The following CSMD1 variants were observed in gnomAD, a reference collection of about 807,000 sequenced individuals.
CSMD1 encodes CUB and sushi domain-containing protein 1.
Under a neutral mutation model 417.5 loss-of-function variants are expected in CSMD1, and 213 were observed. The ratio of observed to expected loss-of-function variants is 0.51; its 90% CI spans 0.46 to 0.57. The LOEUF (loss-of-function observed/expected upper bound fraction) is 0.57. Among genes scored for constraint, CSMD1 ranks in the 20% least tolerant of loss-of-function variants. The pLI is 0.00. For synonymous variants in CSMD1, 2,862 were observed against 1,736.8 expected, an observed-to-expected ratio of 1.65 and a Z score of -16.11; for missense variants, 6,923 against 4,529.7, an observed-to-expected ratio of 1.53 and a Z score of -15.17.
intron 26 of CSMD1, among the ~76,000 whole-genome samples, chr8:3,244,139 C>T (rs1341917911): frequency 1.3e-5 from 2 of 152,192 alleles, no homozygotes; most frequent in Admixed American, 1.3e-4. Context: ...TCGTTCAACA[C>T]GTGAAGGAAA....
chr8:3,999,735 G>A (rs1215825842), intron 4 of CSMD1, among the ~76,000 whole-genome samples: 2 of 152,140 alleles, frequency 1.3e-5, no homozygotes, highest in African/African-American at 4.8e-5. Flanking sequence ...TAGAATGGAC[G>A]TCTTTGAGAG....
At chr8:3,014,645 C>A (rs914278589) in intron 52 of CSMD1, among the ~76,000 whole-genome samples, 1 of 152,098 alleles carries the variant, frequency 6.6e-6, no homozygotes, top group Non-Finnish European at 1.5e-5. Flanking sequence ...ATTTTAAAAA[C>A]GTCCCGCCTA....
rs568376369 is a variant in CSMD1, at chr8:4,994,244, C to T, written c.85+88G>A. Reference sequence around the variant, plus strand: ...CGGGCAGAGGCGGCCACTCCGTACCCTGCGGTCCCCAAAACGCACACTCGC... The same window carrying T: ...CGGGCAGAGGCGGCCACTCCGTACCTTGCGGTCCCCAAAACGCACACTCGC... On this transcript the variant is annotated intron_variant, in intron 1 of 69. Transcript: ENST00000635120. The T allele has an allele frequency of 2.6e-3, 3,195 of 1,216,734 alleles. 110 individuals carry two copies. In the Admixed American group the frequency reaches 0.058, roughly 22 times the overall value. The allele number at this position is 1,216,734 out of a possible 1,614,324, so 75.4% of individuals were successfully genotyped here.
At chr8:3,372,391 C>T (rs6990513) in intron 18 of CSMD1, among the ~76,000 whole-genome samples, 1 of 151,946 alleles carries the variant, frequency 6.6e-6, no homozygotes, top group African/African-American at 2.4e-5. Context: ...GCCTAGAAAA[C>T]GACACGATCT....
intron 23 of CSMD1, among the ~76,000 whole-genome samples, chr8:3,311,261 T>C (rs769463617): frequency 6.6e-6 from 1 of 151,666 alleles, no homozygotes; most frequent in African/African-American, 2.4e-5. Flanking sequence ...CAAACAACTT[T>C]TTTTTTTGGA....
At chr8:3,820,424 C>T (rs1233288090) in intron 5 of CSMD1, among the ~76,000 whole-genome samples, 1 of 152,196 alleles carries the variant, frequency 6.6e-6, no homozygotes, top group African/African-American at 2.4e-5. Context: ...CTTAGGCCTA[C>T]ACAGGGTCAG....
chr8:4,517,942 T>C (rs1329286464), intron 2 of CSMD1, among the ~76,000 whole-genome samples: 3 of 152,224 alleles, frequency 2.0e-5, no homozygotes, highest in Non-Finnish European at 4.4e-5. Context: ...CATGTTTTAA[T>C]GAATTTCAGG....
intron 11 of CSMD1, among the ~76,000 whole-genome samples, chr8:3,476,218 C>A (rs4268145): frequency 0.59 from 89,756 of 151,978 alleles, 27,192 homozygotes; most frequent in Middle Eastern, 0.73. Flanking sequence ...AGATGGATAA[C>A]ACCTATCTCT....
At chr8:4,156,164 G>C (rs944093145) in intron 3 of CSMD1, among the ~76,000 whole-genome samples, 2 of 152,144 alleles carry the variant, frequency 1.3e-5, no homozygotes, top group Admixed American at 6.5e-5. Flanking sequence ...GCAATTCGTT[G>C]TGTGAGGGGT....
At chr8:4,664,171 C>T (rs1230788097) in intron 1 of CSMD1, among the ~76,000 whole-genome samples, 1 of 152,188 alleles carries the variant, frequency 6.6e-6, no homozygotes, top group Non-Finnish European at 1.5e-5. Flanking sequence ...TCTCCCTGCG[C>T]ATCTCAAAGT....
intron 3 of CSMD1, among the ~76,000 whole-genome samples, chr8:4,091,022 G>A (rs1211453418): frequency 1.3e-5 from 2 of 151,774 alleles, no homozygotes; most frequent in African/African-American, 2.4e-5. Context: ...GGGTTCAAGT[G>A]ATTCTCCTGT....
intron 18 of CSMD1, among the ~76,000 whole-genome samples, chr8:3,383,793 A>G (rs576278894): frequency 1.3e-5 from 2 of 152,298 alleles, no homozygotes; most frequent in Non-Finnish European, 2.9e-5. Context: ...TCAATGTCCA[A>G]TAAATATACA....
chr8:4,092,262 T>C (rs534907823), intron 3 of CSMD1, among the ~76,000 whole-genome samples: 1 of 152,140 alleles, frequency 6.6e-6, no homozygotes, highest in East Asian at 1.9e-4. Flanking sequence ...CTCCATTAAT[T>C]TGTTCCAACC....
intron 5 of CSMD1, among the ~76,000 whole-genome samples, chr8:3,773,515 G>A (rs551905699): frequency 2.0e-5 from 3 of 152,190 alleles, no homozygotes; most frequent in African/African-American, 7.2e-5. Flanking sequence ...TTGAACTCCT[G>A]GACTCAAGTG....
intron 2 of CSMD1, among the ~76,000 whole-genome samples, chr8:4,487,555 C>T (rs1040645314): frequency 1.3e-5 from 2 of 152,134 alleles, no homozygotes; most frequent in African/African-American, 2.4e-5. Context: ...TTTCTTAATC[C>T]AGTCTATCAT....
chr8:3,962,519 G>A (rs1489868170), intron 5 of CSMD1, among the ~76,000 whole-genome samples: 8 of 152,144 alleles, frequency 5.3e-5, no homozygotes, highest in African/African-American at 1.2e-4. Context: ...CTATATTAAC[G>A]TAATAGGCTA....
At chr8:2,988,391 C>A (rs1806109404) in intron 54 of CSMD1, among the ~76,000 whole-genome samples, 1 of 152,090 alleles carries the variant, frequency 6.6e-6, no homozygotes, top group African/African-American at 2.4e-5. Context: ...GCATGCAATA[C>A]ACAAATTATT....
At chr8:4,718,015 T>A (rs532479610) in intron 1 of CSMD1, among the ~76,000 whole-genome samples, 3 of 152,310 alleles carry the variant, frequency 2.0e-5, no homozygotes, top group African/African-American at 7.2e-5. Flanking sequence ...TCTTGCTCTG[T>A]ACCCCAGGCT....
chr8:3,135,440 T>A (rs1585437331), intron 41 of CSMD1, among the ~76,000 whole-genome samples: 1 of 151,332 alleles, frequency 6.6e-6, no homozygotes, highest in East Asian at 2.0e-4. Flanking sequence ...AGTCTGCTGA[T>A]CACATTTCTG....
Sources: gnomAD v4.1 joint callset for allele counts (sites outside exome capture counted in the v4.1 genomes callset) on GRCh38, gnomAD v4.1.1 for gene constraint, MANE v1.5 for transcripts, NCBI Gene and HGNC (gene_info 2026-07-23, HGNC 2026-07-21) for gene names.